Variants in MGMT observed in about 807,000 individuals in gnomAD.
MGMT encodes methylated-DNA--protein-cysteine methyltransferase.
In MGMT, 14 loss-of-function variants were observed where a neutral mutation model predicts 15.9. That is an observed-to-expected ratio of 0.88 (90% CI 0.58 to 1.37). The LOEUF (loss-of-function observed/expected upper bound fraction) is 1.37. Ranked by LOEUF, MGMT falls within the 40% of genes most tolerant of loss-of-function variation. MGMT has a pLI of 0.00. For missense variants in MGMT, 282 were observed against 268.1 expected, an observed-to-expected ratio of 1.05 and a Z score of -0.36; for synonymous variants, 130 against 118.2, an observed-to-expected ratio of 1.10 and a Z score of -0.65.
At chr10:129,652,046 C>T (rs143141295) in intron 2 of MGMT, among the ~76,000 whole-genome samples, 82 of 152,256 alleles carry the variant, frequency 5.4e-4, no homozygotes, top group African/African-American at 1.8e-3. Context: ...GGAAAGGTTC[C>T]GGGAAAGCTG....
chr10:129,731,654 A>G (rs1848499511), intron 3 of MGMT, among the ~76,000 whole-genome samples: 1 of 152,012 alleles, frequency 6.6e-6, no homozygotes, highest in South Asian at 2.1e-4. Context: ...TCGGCCTCCC[A>G]AAGTGCTGGG....
At chr10:129,731,312 G>A (rs1404649314) in intron 3 of MGMT, among the ~76,000 whole-genome samples, 2 of 151,620 alleles carry the variant, frequency 1.3e-5, no homozygotes, top group Non-Finnish European at 2.9e-5. Flanking sequence ...TGATGATAAG[G>A]GCTATATTGT....
rs1267918510 is a variant in MGMT, at chr10:129,766,885, A to C, written c.512A>C (p.His171Pro). The C allele has an allele frequency of 1.2e-6, 2 of 1,613,586 alleles. No homozygotes were observed. The highest frequency in any genetic ancestry group is 1.1e-5 in the South Asian group (1 of 91,076). Residue 171 changes from histidine (H) to proline (P), a missense_variant, in exon 5 of 5, where the codon CAT (histidine) becomes CCT (proline). His to Pro is a moderately conservative substitution (Grantham distance 77). Coordinates refer to ENST00000651593, the MANE Select transcript of MGMT (RefSeq NM_002412.5). ...GLAVKEWLLA[H>P]EGHRLGKPGL... The stretch of plus-strand genomic sequence containing the variant: ...GCCGTGAAGGAATGGCTTCTGGCCC[A>C]TGAAGGCCACCGGTTGGGGAAGCCA...
At chr10:129,535,533 C>G (rs557893970) in intron 1 of MGMT, among the ~76,000 whole-genome samples, 3 of 152,186 alleles carry the variant, frequency 2.0e-5, no homozygotes, top group Non-Finnish European at 4.4e-5. Context: ...AATTTTAATT[C>G]TTTTGGGGCA....
At chr10:129,558,494 C>T (rs139065242) in intron 2 of MGMT, among the ~76,000 whole-genome samples, 9 of 152,286 alleles carry the variant, frequency 5.9e-5, no homozygotes, top group East Asian at 5.8e-4. Flanking sequence ...TGGTCCTCAG[C>T]GCCTCTGCCT....
At chr10:129,480,106 A>G (rs1233661927) in intron 1 of MGMT, among the ~76,000 whole-genome samples, 1 of 152,240 alleles carries the variant, frequency 6.6e-6, no homozygotes, top group Non-Finnish European at 1.5e-5. Context: ...GCCTGGATGA[A>G]TAGAAGACAG....
At chr10:129,525,987 A>G (rs1055764521) in intron 1 of MGMT, among the ~76,000 whole-genome samples, 1 of 152,178 alleles carries the variant, frequency 6.6e-6, no homozygotes, top group African/African-American at 2.4e-5. Flanking sequence ...GTTTGGTGAA[A>G]CGATTTCAAT....
chr10:129,732,737 G>A (rs1848516180), intron 3 of MGMT, among the ~76,000 whole-genome samples: 1 of 132,386 alleles, frequency 7.6e-6, no homozygotes, highest in African/African-American at 2.8e-5. Context: ...TCCCCAGAAT[G>A]TGATGTTCGC....
At chr10:129,467,534 T>G in intron 1 of MGMT, 1 of 717,854 alleles carries the variant, frequency 1.4e-6, no homozygotes, top group Non-Finnish European at 1.7e-6. Context: ...TGGACTGGCG[T>G]GTGGCGGGGG....
intron 1 of MGMT, chr10:129,467,539 C>G: frequency 1.5e-6 from 1 of 689,572 alleles, no homozygotes; most frequent in East Asian, 1.4e-4. Flanking sequence ...TGGCGTGTGG[C>G]GGGGGTCGTG....
chr10:129,663,037 C>A (rs1233272610), intron 2 of MGMT, among the ~76,000 whole-genome samples: 1 of 152,146 alleles, frequency 6.6e-6, no homozygotes, highest in African/African-American at 2.4e-5. Context: ...GAGACCCAAA[C>A]AACCTATCCC....
chr10:129,630,137 C>T (rs1198193402), intron 2 of MGMT, among the ~76,000 whole-genome samples: 5 of 152,212 alleles, frequency 3.3e-5, no homozygotes, highest in Admixed American at 6.5e-5. Flanking sequence ...CGTCCACCTG[C>T]GTGCTCCGGG....
At position 129,510,485 on chromosome 10, in the gene MGMT, G is replaced by A. The variant is rs1384091826; in HGVS notation, c.-12-25756G>A. ...TTGGGGAAAACACTGGAATTGATGA[G>A]TGAGAATGGATACATTATTGGCTCT... On this transcript the variant is annotated intron_variant, in intron 1 of 4. Coordinates refer to ENST00000651593, the MANE Select transcript of MGMT (RefSeq NM_002412.5). Among the ~76,000 whole-genome samples, 7 of 152,290 alleles carry A rather than the reference G, an allele frequency of 4.6e-5. No individual in the cohort carries two copies. In the East Asian group the frequency reaches 1.4e-3, roughly 29 times the overall value.
chr10:129,656,401 G>A (rs1847524936), intron 2 of MGMT, among the ~76,000 whole-genome samples: 1 of 152,204 alleles, frequency 6.6e-6, no homozygotes, highest in African/African-American at 2.4e-5. Context: ...AGGGTGAGGA[G>A]GGGTGGGGCC....
At position 129,467,671 on chromosome 10, in the gene MGMT, C is replaced by G. The variant is rs1261759521; in HGVS notation, c.-13+375C>G. On this transcript the variant is annotated intron_variant, in intron 1 of 4. Coordinates refer to ENST00000651593, the MANE Select transcript of MGMT (RefSeq NM_002412.5). ...CAGGAAGCTTCCAGAAGCCCCTGCG[C>G]GGGCCTTGGCTTGCAGCAACCCTTT... Among the ~76,000 whole-genome samples the G allele has an allele frequency of 6.4e-4, 98 of 152,356 alleles. 1 individual carries two copies. The highest frequency in any genetic ancestry group is 3.8e-4 in the Non-Finnish European group (26 of 68,030).
intron 2 of MGMT, among the ~76,000 whole-genome samples, chr10:129,620,779 A>G (rs1217217561): frequency 6.6e-6 from 1 of 152,080 alleles, no homozygotes; most frequent in Non-Finnish European, 1.5e-5. Flanking sequence ...TTTATTTGAA[A>G]TGTTTTAGTT....
At chr10:129,481,873 A>G (rs1339935234) in intron 1 of MGMT, among the ~76,000 whole-genome samples, 1 of 152,098 alleles carries the variant, frequency 6.6e-6, no homozygotes, top group African/African-American at 2.4e-5. Context: ...TTCTTTTCAG[A>G]GAGCCAACTT....
intron 2 of MGMT, among the ~76,000 whole-genome samples, chr10:129,704,273 C>A (rs899555974): frequency 3.9e-5 from 6 of 152,118 alleles, no homozygotes; most frequent in Non-Finnish European, 7.3e-5. Flanking sequence ...ACTCCCATGC[C>A]CTAAGGAAAC....
intron 1 of MGMT, among the ~76,000 whole-genome samples, chr10:129,472,143 G>C (rs76999143): frequency 0.042 from 6,360 of 152,096 alleles, 332 homozygotes; most frequent in African/African-American, 0.11. Context: ...TCAGGTGAGG[G>C]TGCACTTTCA....
Sources: allele counts gnomAD v4.1 joint callset (sites outside exome capture counted in the v4.1 genomes callset), GRCh38; gene constraint gnomAD v4.1.1; transcripts MANE v1.5; gene names NCBI Gene and HGNC (gene_info 2026-07-23, HGNC 2026-07-21).